Variants in RBMS3 observed in about 807,000 individuals in gnomAD.
RBMS3 encodes RNA-binding motif, single-stranded-interacting protein 3.
A neutral mutation model predicts 66.8 loss-of-function variants in RBMS3; 27 were observed. The ratio of observed to expected loss-of-function variants is 0.40; its 90% CI spans 0.30 to 0.56. The LOEUF (loss-of-function observed/expected upper bound fraction) is 0.56. Among genes scored for constraint, RBMS3 ranks in the 20% least tolerant of loss-of-function variants. The pLI, the probability that RBMS3 is intolerant of heterozygous loss-of-function variation, is 0.40. For synonymous variants in RBMS3, 188 were observed against 183.0 expected (o/e 1.03, Z -0.22); for missense variants, 513 against 549.5 (o/e 0.93, Z 0.66).
At chr3:29,948,788 G>C (rs1208975380) in intron 12 of RBMS3, among the ~76,000 whole-genome samples, 1 of 151,714 alleles carries the variant, frequency 6.6e-6, no homozygotes, top group East Asian at 1.9e-4. Flanking sequence ...AGTTCTTAGA[G>C]ACTTTGCTTT....
intron 1 of RBMS3, among the ~76,000 whole-genome samples, chr3:29,420,209 A>G (rs766272848): frequency 6.6e-6 from 1 of 152,100 alleles, no homozygotes; most frequent in South Asian, 2.1e-4. Flanking sequence ...CCTCTATTAT[A>G]TCATGGAAAC....
At chr3:29,337,339 T>C (rs145925976) in intron 1 of RBMS3, among the ~76,000 whole-genome samples, 48 of 152,188 alleles carry the variant, frequency 3.2e-4, no homozygotes, top group African/African-American at 1.1e-3. Flanking sequence ...TAGTAATCTG[T>C]AAGATTTAGG....
intron 4 of RBMS3, among the ~76,000 whole-genome samples, chr3:29,603,418 T>C (rs1453168823): frequency 6.6e-6 from 1 of 152,004 alleles, no homozygotes; most frequent in East Asian, 1.9e-4. Context: ...TGAAACCTTA[T>C]CTGTGCAATC....
intron 3 of RBMS3, among the ~76,000 whole-genome samples, chr3:29,498,787 T>C (rs1245833108): frequency 1.3e-5 from 2 of 152,208 alleles, no homozygotes; most frequent in Non-Finnish European, 2.9e-5. Context: ...GGATACCTTC[T>C]AGGAACCAAC....
At chr3:29,291,054 T>A (rs2032769247) in intron 1 of RBMS3, among the ~76,000 whole-genome samples, 1 of 151,984 alleles carries the variant, frequency 6.6e-6, no homozygotes, top group Non-Finnish European at 1.5e-5. Context: ...GAAAAAAACC[T>A]AATCTACAAA....
chr3:29,445,504 C>G (rs73828655), intron 2 of RBMS3, among the ~76,000 whole-genome samples: 7,884 of 151,516 alleles, frequency 0.052, 501 homozygotes, highest in Admixed American at 0.2. Flanking sequence ...AATTCTATGT[C>G]TAATTTAAGT....
intron 1 of RBMS3, among the ~76,000 whole-genome samples, chr3:29,372,931 G>A (rs186895343): frequency 3.3e-5 from 5 of 150,888 alleles, no homozygotes; most frequent in Admixed American, 1.3e-4. Flanking sequence ...TTAGAGTGGC[G>A]CCTGGAATAT....
intron 4 of RBMS3, among the ~76,000 whole-genome samples, chr3:29,592,552 T>C (rs1056199726): frequency 2.6e-5 from 4 of 152,196 alleles, no homozygotes; most frequent in African/African-American, 9.6e-5. Flanking sequence ...TCTTTTACAC[T>C]GTTGGTGAGA....
At chr3:29,936,257 T>C (rs2061263228) in intron 11 of RBMS3, 61 bp downstream of exon 11, 1 of 1,413,756 alleles carries the variant, frequency 7.1e-7, no homozygotes. Context: ...ATATTCTCCA[T>C]TTTTACTGGC....
chr3:29,856,227 GAATA>G (rs1345409055), intron 6 of RBMS3, among the ~76,000 whole-genome samples: 1 of 152,166 alleles, frequency 6.6e-6, no homozygotes, highest in African/African-American at 2.4e-5. Flanking sequence ...AGGCAAGGGT[GAATA>G]AATAAGTTGA....
rs779187328 is a variant in RBMS3 at position 30,003,895 on chromosome 3, C to T, written c.*33C>T. On this transcript the variant is annotated 3_prime_UTR_variant, in exon 15 of 15. Coordinates refer to ENST00000383767, the MANE Select transcript of RBMS3 (RefSeq NM_001003793.3). Reference sequence around the variant, plus strand: ...TGAAGAATGTCTGTCTGAATCTTTGCCTTGAATGAAGAAACTTCATTGAAC... The same window carrying T: ...TGAAGAATGTCTGTCTGAATCTTTGTCTTGAATGAAGAAACTTCATTGAAC... The T allele has an allele frequency of 4.9e-6, 7 of 1,439,016 alleles. No individual in the cohort carries two copies. The South Asian group carries it at 1.0e-4, about 21-fold the overall frequency. The allele number at this position is 1,439,016 out of a possible 1,614,324, so 89.1% of individuals were successfully genotyped here. A position where few individuals can be genotyped will look rare whatever the true frequency, so the allele number is the denominator to read the frequency against.
intron 14 of RBMS3, among the ~76,000 whole-genome samples, chr3:30,002,317 G>A (rs905120178): frequency 6.6e-6 from 1 of 151,822 alleles, no homozygotes; most frequent in Non-Finnish European, 1.5e-5. Context: ...TGGTGTTTTA[G>A]GCATTTTTGG....
chr3:29,918,033 G>A (rs895965800), intron 10 of RBMS3, among the ~76,000 whole-genome samples: 5 of 152,144 alleles, frequency 3.3e-5, no homozygotes, highest in Non-Finnish European at 5.9e-5. Flanking sequence ...TATGGATGAA[G>A]GAAGTGAAGC....
chr3:29,891,953 C>T (rs761538933), intron 8 of RBMS3, among the ~76,000 whole-genome samples: 1 of 151,404 alleles, frequency 6.6e-6, no homozygotes, highest in Non-Finnish European at 1.5e-5. Context: ...CTGTTTATTT[C>T]AATATGTAAA....
intron 1 of RBMS3, among the ~76,000 whole-genome samples, chr3:29,349,183 T>C (rs1194918024): frequency 6.6e-6 from 1 of 150,774 alleles, no homozygotes; most frequent in Non-Finnish European, 1.5e-5. Context: ...AGCTCTCTGC[T>C]CCCTTTGCAC....
chr3:29,888,276 A>C (rs910992591), intron 8 of RBMS3, among the ~76,000 whole-genome samples: 2 of 151,750 alleles, frequency 1.3e-5, no homozygotes, highest in African/African-American at 2.4e-5. Context: ...AAGATATCCA[A>C]ATCAAGAGAT....
intron 1 of RBMS3, among the ~76,000 whole-genome samples, chr3:29,368,135 C>A (rs1215606481): frequency 1.3e-5 from 2 of 152,124 alleles, no homozygotes; most frequent in African/African-American, 2.4e-5. Flanking sequence ...ATGTGGCCAT[C>A]AATTTAGTTG....
chr3:29,875,495 C>T (rs1395569919), intron 7 of RBMS3, among the ~76,000 whole-genome samples: 1 of 151,736 alleles, frequency 6.6e-6, no homozygotes, highest in Admixed American at 6.6e-5. Context: ...AGAAAAGGAA[C>T]TTGACATACT....
In RBMS3 at chr3:29,995,680, G is replaced by A. The variant is rs1054399817; in HGVS notation, c.1307+4471G>A. 9.2e-5 allele frequency among the ~76,000 whole-genome samples: 14 copies of A among 152,214 alleles called. No individual in the cohort carries two copies. In the East Asian group the frequency reaches 2.3e-3, roughly 25 times the overall value. Reference sequence around the variant, plus strand: ...TCCAGCCAAACTAAGCTTCATAAGTGAAGGAGAAATAAAATCCTTTACAAA... The same window carrying A: ...TCCAGCCAAACTAAGCTTCATAAGTAAAGGAGAAATAAAATCCTTTACAAA... On this transcript the variant is annotated intron_variant, in intron 14 of 14. Coordinates refer to ENST00000383767, the MANE Select transcript of RBMS3 (RefSeq NM_001003793.3).
Sources: gnomAD v4.1 joint callset for allele counts (sites outside exome capture counted in the v4.1 genomes callset) on GRCh38, gnomAD v4.1.1 for gene constraint, MANE v1.5 for transcripts, NCBI Gene and HGNC (gene_info 2026-07-23, HGNC 2026-07-21) for gene names.